SIGLEC15: variants seen among roughly 807,000 people sequenced by gnomAD.
The protein encoded by SIGLEC15 is sialic acid binding Ig like lectin 15, also known as sialic acid-binding Ig-like lectin 15.
In SIGLEC15, 31 loss-of-function variants were observed where a neutral mutation model predicts 26.2. That is an observed-to-expected ratio of 1.18 (90% confidence interval 0.89 to 1.60). The LOEUF is 1.60. Ranked by LOEUF, SIGLEC15 falls within the 40% of genes most tolerant of loss-of-function variation. The pLI is 0.00. For synonymous variants in SIGLEC15, 207 were observed against 221.9 expected (o/e 0.93, Z 0.60); for missense variants, 501 against 488.4 (o/e 1.03, Z -0.24).
At chr18:45,841,365 A>G (rs574593779) in intron 5 of SIGLEC15, among the ~76,000 whole-genome samples, 2 of 152,272 alleles carry the variant, frequency 1.3e-5, no homozygotes, top group South Asian at 4.1e-4. Context: ...GACTCAGGTG[A>G]GGCCCAGAAA....
intron 3 of SIGLEC15, 49 bp from the exon 4 acceptor site, chr18:45,838,669 C>T: frequency 6.7e-7 from 1 of 1,495,582 alleles, no homozygotes; most frequent in Non-Finnish European, 8.8e-7. Flanking sequence ...GTCCAAAGGG[C>T]TAAGGGGAGG....
rs1181539088 is a variant in SIGLEC15, at chr18:45,838,833, G to A, written c.612G>A (p.Leu204=). ...CCCTCGCCTGGTCCGGCCCGGCCCT[G>A]GGCAACAGCTTGGCAGCCGTGCGGA... is the stretch of plus-strand genomic sequence containing the variant. ...PPALAWSGPA[L]GNSLAAVRSP... Residue 204 remains leucine (L), a synonymous_variant, in exon 4 of 6, where the codon CTG becomes CTA. Coordinates refer to ENST00000389474, the MANE Select transcript of SIGLEC15 (RefSeq NM_213602.3). The A allele has an allele frequency of 3.8e-6, 6 of 1,567,800 alleles. No homozygotes were observed. The highest frequency in any genetic ancestry group is 3.4e-6 in the Non-Finnish European group (4 of 1,162,790).
Position 45,837,942 on chromosome 18 carries a change from C to T in SIGLEC15, c.496+46C>T, listed in dbSNP as rs1262691990. On this transcript the variant is annotated intron_variant, in intron 3 of 5. Transcript: ENST00000389474. ...GTCCCCGGCCTCCCTTCCCGCCCTC[C>T]CGCCTGCCCCGCCCCAAGGGCTACG... is the stretch of plus-strand genomic sequence containing the variant. 7 of 1,432,108 alleles carry T rather than the reference C, an allele frequency of 4.9e-6. No individual in the cohort carries two copies. In the Admixed American group the frequency reaches 8.4e-5, roughly 17 times the overall value. The allele number at this position is 1,432,108 out of a possible 1,614,324, so 88.7% of individuals were successfully genotyped here. A position where few individuals can be genotyped will look rare whatever the true frequency, so the allele number is the denominator to read the frequency against.
chr18:45,837,457 G>T, intron 2 of SIGLEC15, 56 bp from the exon 3 acceptor site: 1 of 1,422,618 alleles, frequency 7.0e-7, no homozygotes. Flanking sequence ...CAGGCCCCGG[G>T]TGCGGGCGCC....
chr18:45,838,799 C>G lies in SIGLEC15; in HGVS notation c.578C>G (p.Pro193Arg). The change falls in exon 4 of 6, where the codon CCG (proline) becomes CGG (arginine). Residue 193 changes from proline (P) to arginine (R), a missense_variant. Transcript: ENST00000389474. ...GCGCTCTGCACTGCCGAAGGGGAGC[C>G]GCCGCCCGCCCTCGCCTGGTCCGGC... The part of the protein sequence containing the change: ...FRALCTAEGE[P>R]PPALAWSGPA... 1 of 1,559,030 alleles carries G rather than the reference C, an allele frequency of 6.4e-7. No individual in the cohort carries two copies.
chr18:45,840,095 C>T, intron 4 of SIGLEC15, 116 bp from the exon 5 acceptor site: 1 of 1,175,626 alleles, frequency 8.5e-7, no homozygotes, highest in Non-Finnish European at 1.2e-6. Context: ...CTGCTGTTTG[C>T]TTCAAAAACA....
At chr18:45,829,005 G>A in intron 1 of SIGLEC15, 1 of 801,586 alleles carries the variant, frequency 1.2e-6, no homozygotes, top group Non-Finnish European at 1.5e-6. Context: ...AACTGAGGAA[G>A]TCCTATCTGG....
Position 45,825,794 on chromosome 18 carries a change from A to G in SIGLEC15, c.52+14A>G. ...TTCTCCCGACAGGTGAGTGTCTGCT[A>G]CTCTCTCTGGCCCATGCTCGGGACA... On this transcript the variant is annotated intron_variant, in intron 1 of 5. Coordinates refer to ENST00000389474, the MANE Select transcript of SIGLEC15 (RefSeq NM_213602.3). The G allele has an allele frequency of 6.2e-7, 1 of 1,613,904 alleles. No individual in the cohort carries two copies. The highest frequency in any genetic ancestry group is 8.5e-7 in the Non-Finnish European group (1 of 1,179,904).
Position 45,842,397 on chromosome 18 carries a change from C to A in SIGLEC15, c.*210C>A. 1 of 581,344 alleles carries A rather than the reference C, an allele frequency of 1.7e-6. No individual in the cohort carries two copies. Among genetic ancestry groups the A allele is most frequent in the Non-Finnish European group, 3.1e-6 (1 of 325,496 alleles). 36.0% of individuals were successfully genotyped at this position (581,344 alleles called of 1,614,324 possible). ...ATTTCGGAGCTCCCTGATATTTTTG[C>A]CAGCATTTCGTAAATGTGCATACGT... On this transcript the variant is annotated 3_prime_UTR_variant, in exon 6 of 6. Transcript: ENST00000389474.
intron 1 of SIGLEC15, among the ~76,000 whole-genome samples, chr18:45,835,751 G>T (rs985731064): frequency 6.6e-6 from 1 of 152,194 alleles, no homozygotes; most frequent in Admixed American, 6.5e-5. Context: ...TCCAGGCACA[G>T]CTCCCACAGC....
intron 5 of SIGLEC15, among the ~76,000 whole-genome samples, chr18:45,841,685 C>T (rs1432721563): frequency 2.6e-5 from 4 of 152,208 alleles, no homozygotes; most frequent in African/African-American, 7.2e-5. Context: ...CCCTGGGTCC[C>T]ACTTCCTGAG....
chr18:45,832,582 C>T (rs923749474), intron 1 of SIGLEC15, among the ~76,000 whole-genome samples: 9 of 152,188 alleles, frequency 5.9e-5, no homozygotes, highest in African/African-American at 1.9e-4. Flanking sequence ...GCATGCTTCC[C>T]GCCATACCCT....
intron 1 of SIGLEC15, among the ~76,000 whole-genome samples, chr18:45,826,826 A>G (rs1356962440): frequency 6.6e-6 from 1 of 152,216 alleles, no homozygotes; most frequent in Non-Finnish European, 1.5e-5. Flanking sequence ...GGGCAGTAAC[A>G]GCAAACCTCT....
rs770949862 is a variant in SIGLEC15 at position 45,837,536 on chromosome 18, A to T, written c.136A>T (p.Met46Leu). Residue 46 changes from methionine to leucine, a missense_variant, in exon 3 of 6, where the codon ATG becomes TTG. By Grantham distance (15) the Met-to-Leu change is conservative. Transcript: ENST00000389474. ...VHSSPAQRWS[M>L]QVPPEVSAEA... ...AGGCTCGCCAGCGCAGCGCTGGTCC[A>T]TGCAGGTGCCACCCGAGGTGAGCGC... The T allele has an allele frequency of 2.0e-6, 3 of 1,517,622 alleles. No individual in the cohort carries two copies. The highest frequency in any genetic ancestry group is 2.0e-5 in the Admixed American group (1 of 49,414). The allele number at this position is 1,517,622 out of a possible 1,614,324, so 94.0% of individuals were successfully genotyped here.
At chr18:45,840,664 T>C (rs1044180772) in intron 5 of SIGLEC15, among the ~76,000 whole-genome samples, 18 of 152,234 alleles carry the variant, frequency 1.2e-4, no homozygotes, top group South Asian at 1.0e-3. Context: ...TCCTGGGTCA[T>C]ACTCTCCTCT....
intron 1 of SIGLEC15, among the ~76,000 whole-genome samples, chr18:45,830,461 A>T (rs2048224957): frequency 6.6e-6 from 1 of 152,204 alleles, no homozygotes; most frequent in African/African-American, 2.4e-5. Context: ...GCAAGGAGGC[A>T]TGAAGGGAGC....
chr18:45,827,869 A>G (rs1325746383), intron 1 of SIGLEC15, among the ~76,000 whole-genome samples: 1 of 152,216 alleles, frequency 6.6e-6, no homozygotes, highest in Non-Finnish European at 1.5e-5. Flanking sequence ...TAGAGGAAGC[A>G]TGGGCTGTGG....
At chr18:45,829,066 AG>A (rs1239594223) in intron 1 of SIGLEC15, 8 of 982,464 alleles carry the variant, frequency 8.1e-6, no homozygotes, top group Non-Finnish European at 8.5e-6. Flanking sequence ...GAGGCTGGGC[AG>A]GGGGTGGGGG....
At chr18:45,838,122 G>C (rs1023551112) in intron 3 of SIGLEC15, among the ~76,000 whole-genome samples, 16 of 152,222 alleles carry the variant, frequency 1.1e-4, no homozygotes, top group Admixed American at 8.5e-4. Context: ...GTGGGCCCGG[G>C]AATAGGCATT....
Sources: gnomAD v4.1 joint callset for allele counts (sites outside exome capture counted in the v4.1 genomes callset) on GRCh38, gnomAD v4.1.1 for gene constraint, MANE v1.5 for transcripts, NCBI Gene and HGNC (gene_info 2026-07-23, HGNC 2026-07-21) for gene names.